Variants in GAB2 observed in about 807,000 individuals in gnomAD.
The protein encoded by GAB2 is GRB2 associated binding protein 2.
In GAB2, 26 loss-of-function variants were observed where a neutral mutation model predicts 65.5. The observed-to-expected ratio is 0.40, with a 90% CI of 0.29 to 0.55. GAB2 has a LOEUF of 0.55. Ranked by LOEUF, GAB2 falls within the 20% of genes least tolerant of loss-of-function variation. The pLI, the probability that GAB2 is intolerant of heterozygous loss-of-function variation, is 0.53. For missense variants in GAB2, 884 were observed against 875.8 expected (o/e 1.01, Z -0.12); for synonymous variants, 321 against 329.6 (o/e 0.97, Z 0.28).
Position 78,250,366 on chromosome 11 carries a change from G to C in GAB2, c.411C>G (p.Gly137=), listed in dbSNP as rs754477381. ...SLRNVSSAGH[G]PRSSPAELSS... is the part of the protein sequence containing the mutation. ...TGAGCTCAGCTGGAGAAGAGCGGGGGCCATGACCGGCTGAGGAAACATTTC... is the reference window on the plus strand; with the variant it reads ...TGAGCTCAGCTGGAGAAGAGCGGGGCCCATGACCGGCTGAGGAAACATTTC... The change falls in exon 3 of 10, where the codon GGC becomes GGG. Residue 137 remains glycine, a synonymous_variant. Transcript: ENST00000361507. 6.2e-7 allele frequency: 1 copy of C among 1,612,730 alleles called. No individual in the cohort carries two copies. The highest frequency in any genetic ancestry group is 8.5e-7 in the Non-Finnish European group (1 of 1,179,084).
At chr11:78,328,332 G>T (rs1353040888) in intron 1 of GAB2, among the ~76,000 whole-genome samples, 1 of 152,134 alleles carries the variant, frequency 6.6e-6, no homozygotes, top group Non-Finnish European at 1.5e-5. Flanking sequence ...ACACTAAGCC[G>T]CGGAAGGCTT....
intron 1 of GAB2, among the ~76,000 whole-genome samples, chr11:78,286,057 CTT>C (rs1866472562): frequency 6.6e-6 from 1 of 152,214 alleles, no homozygotes; most frequent in Non-Finnish European, 1.5e-5. Context: ...TCTTTCCCTC[CTT>C]TGTTTCCTTA....
At chr11:78,398,978 CAG>C (rs1385094327) in intron 1 of GAB2, among the ~76,000 whole-genome samples, 3 of 152,144 alleles carry the variant, frequency 2.0e-5, no homozygotes, top group Admixed American at 2.0e-4. Flanking sequence ...ACAACTCTAA[CAG>C]ATTCAAATGC....
intron 2 of GAB2, among the ~76,000 whole-genome samples, chr11:78,266,102 C>T (rs1219338313): frequency 6.7e-6 from 1 of 148,786 alleles, no homozygotes; most frequent in East Asian, 2.0e-4. Context: ...GTAATCCCAG[C>T]TACTTGAGAG....
intron 1 of GAB2, among the ~76,000 whole-genome samples, chr11:78,395,173 G>A (rs1245377129): frequency 6.6e-6 from 1 of 152,214 alleles, no homozygotes; most frequent in African/African-American, 2.4e-5. Context: ...AATCAACCAG[G>A]CCAGGCGCGG....
chr11:78,264,371 C>T (rs1865816966), intron 2 of GAB2, among the ~76,000 whole-genome samples: 1 of 150,546 alleles, frequency 6.6e-6, no homozygotes, highest in African/African-American at 2.5e-5. Flanking sequence ...TTTTTTGATG[C>T]CATTGTGAAA....
chr11:78,405,967 T>C (rs1168325616), intron 1 of GAB2, among the ~76,000 whole-genome samples: 1 of 152,174 alleles, frequency 6.6e-6, no homozygotes, highest in African/African-American at 2.4e-5. Context: ...GAGCAAACTG[T>C]GGTCCAACCC....
chr11:78,232,349 G>C (rs1864870761), intron 3 of GAB2, among the ~76,000 whole-genome samples: 1 of 152,178 alleles, frequency 6.6e-6, no homozygotes, highest in African/African-American at 2.4e-5. Flanking sequence ...TCACATCAAT[G>C]TATCATCTGT....
chr11:78,416,332 A>C (rs1230432321), intron 1 of GAB2, among the ~76,000 whole-genome samples: 1 of 152,130 alleles, frequency 6.6e-6, no homozygotes, highest in African/African-American at 2.4e-5. Flanking sequence ...ATTGACACAC[A>C]CTTGTACTCC....
At chr11:78,348,510 G>A (rs1325569498) in intron 1 of GAB2, among the ~76,000 whole-genome samples, 1 of 152,090 alleles carries the variant, frequency 6.6e-6, no homozygotes, top group Non-Finnish European at 1.5e-5. Flanking sequence ...AGACATCAGG[G>A]AAACAAATGA....
At chr11:78,291,582 T>TC (rs1866682661) in intron 1 of GAB2, among the ~76,000 whole-genome samples, 1 of 125,822 alleles carries the variant, frequency 7.9e-6, no homozygotes, top group Non-Finnish European at 1.7e-5. Context: ...TTTTTTTTTT[T>TC]TTTTTTTGCG....
rs374012460 is a variant in GAB2, at chr11:78,220,324, G to C, written c.1882C>G (p.Arg628Gly). 6.2e-7 allele frequency: 1 copy of C among 1,612,418 alleles called. No individual in the cohort carries two copies. Among genetic ancestry groups the C allele is most frequent in the South Asian group, 1.1e-5 (1 of 90,950 alleles). The change falls in exon 9 of 10, where the codon CGC (arginine) becomes GGC (glycine). Residue 628 changes from arginine to glycine, a missense_variant. Arg to Gly is a moderately radical substitution (Grantham distance 125). Coordinates refer to ENST00000361507, the MANE Select transcript of GAB2 (RefSeq NM_080491.3). The part of the protein sequence containing the change: ...DFQPSSPSPH[R>G]KPSTSSVTSD... ...CCCAACTCTACTCCAGGCACCTTGC[G>C]GTGGGGGCTTGGGGAGCTCGGCTGG...
intron 1 of GAB2, among the ~76,000 whole-genome samples, chr11:78,313,701 C>T (rs760073231): frequency 3.3e-5 from 5 of 152,182 alleles, no homozygotes; most frequent in Non-Finnish European, 7.3e-5. Flanking sequence ...ATAGTCACTA[C>T]AACAAATAAC....
chr11:78,220,714 G>A (rs1864381527), intron 8 of GAB2, among the ~76,000 whole-genome samples: 1 of 152,144 alleles, frequency 6.6e-6, no homozygotes, highest in Admixed American at 6.5e-5. Flanking sequence ...CACAGCTGTT[G>A]AGTGATGGGA....
chr11:78,350,200 A>T (rs576370603), intron 1 of GAB2, among the ~76,000 whole-genome samples: 1 of 152,338 alleles, frequency 6.6e-6, no homozygotes, highest in South Asian at 2.1e-4. Flanking sequence ...ATCAAGGAGA[A>T]CATGGCTTGA....
chr11:78,408,765 C>T lies in GAB2; in HGVS notation c.75+8881G>A, dbSNP rs188407742. Among the ~76,000 whole-genome samples, 464 of 152,110 alleles carry T rather than the reference C, an allele frequency of 3.1e-3. 2 individuals carry two copies. The highest frequency in any genetic ancestry group is 5.4e-3 in the Non-Finnish European group (366 of 67,996). ...GATAGTGAGTGAGTTATTGTGAGAT[C>T]TGGTTATTTAGAAGTGTGTAGTACC... On this transcript the variant is annotated intron_variant, in intron 1 of 9. Coordinates refer to ENST00000361507, the MANE Select transcript of GAB2 (RefSeq NM_080491.3).
chr11:78,392,943 A>C (rs1856852667), intron 1 of GAB2, among the ~76,000 whole-genome samples: 2 of 152,144 alleles, frequency 1.3e-5, no homozygotes, highest in Admixed American at 1.3e-4. Flanking sequence ...TTGCTTCTGT[A>C]CCTATGTGCC....
chr11:78,395,817 A>T (rs1167961407), intron 1 of GAB2, among the ~76,000 whole-genome samples: 1 of 152,212 alleles, frequency 6.6e-6, no homozygotes, highest in Non-Finnish European at 1.5e-5. Flanking sequence ...CCACACCCAC[A>T]AAGCATATGG....
chr11:78,309,971 T>TGTGTGTGTGTGTGTGTGTGTGTGCGCGC (rs1421836447), intron 1 of GAB2, among the ~76,000 whole-genome samples: 33 of 120,074 alleles, frequency 2.7e-4, no homozygotes, highest in African/African-American at 1.1e-3. Flanking sequence ...TGTGTGTGTG[T>TGTGTGTGTGTGTGTGTGTGTGTGCGCGC]GCGCGCGCGC....
Sources: allele counts gnomAD v4.1 joint callset (sites outside exome capture counted in the v4.1 genomes callset), GRCh38; gene constraint gnomAD v4.1.1; transcripts MANE v1.5; gene names NCBI Gene and HGNC (gene_info 2026-07-23, HGNC 2026-07-21).